Variants in BCAR3 observed in about 807,000 individuals in gnomAD.
BCAR3 encodes the protein BCAR3 adaptor protein, NSP family member.
BCAR3 carries 37 observed loss-of-function variants against 80.1 expected under a neutral mutation model. The observed-to-expected ratio is 0.46, with a 90% CI of 0.36 to 0.61. The LOEUF (loss-of-function observed/expected upper bound fraction) is 0.61, where lower values mean the gene tolerates loss of function less well. Ranked by LOEUF, BCAR3 falls within the 20% of genes least tolerant of loss-of-function variation. The pLI is 0.00. For synonymous variants in BCAR3, 389 were observed against 418.9 expected, an observed-to-expected ratio of 0.93 and a Z score of 0.87; for missense variants, 978 against 1,068.2, an observed-to-expected ratio of 0.92 and a Z score of 1.18.
chr1:93,612,211 G>A lies in BCAR3; in HGVS notation c.358-19818C>T, dbSNP rs150968297. Among the ~76,000 whole-genome samples, 332 of 152,200 alleles carry A rather than the reference G, an allele frequency of 2.2e-3. 2 individuals carry two copies. The highest frequency in any genetic ancestry group is 7.6e-3 in the African/African-American group (316 of 41,506). On this transcript the variant is annotated intron_variant, in intron 3 of 11. Coordinates refer to ENST00000260502, the MANE Select transcript of BCAR3 (RefSeq NM_003567.4). ...AGTTGGTAAACCCTAAGTTGGGACC[G>A]AGGGCTACAGTTTCCAGTGAGTGAG...
chr1:93,643,353 C>T (rs1181040477), intron 2 of BCAR3, among the ~76,000 whole-genome samples: 4 of 151,054 alleles, frequency 2.6e-5, no homozygotes, highest in Admixed American at 1.3e-4. Context: ...GGTGAAACCC[C>T]GTCTCTACTA....
At chr1:93,733,578 G>A (rs548856873) in intron 2 of BCAR3, among the ~76,000 whole-genome samples, 20 of 152,304 alleles carry the variant, frequency 1.3e-4, no homozygotes, top group African/African-American at 4.1e-4. Context: ...GGAACTTTGC[G>A]TACCCCAGAC....
In BCAR3 at chr1:93,717,910, A is replaced by G. The variant is rs374126438; in HGVS notation, c.-62-11768T>C. Among the ~76,000 whole-genome samples the G allele has an allele frequency of 2.2e-4, 33 of 152,116 alleles. 3 individuals are homozygous for G. The highest frequency in any genetic ancestry group is 9.7e-4 in the East Asian group (5 of 5,176). ...AGCTTAATATTAAAAACAAAATCAA[A>G]GCAATTGCAAATCTCTTTTATTTAT... On this transcript the variant is annotated intron_variant, in intron 2 of 13. Transcript: ENST00000370244.
intron 3 of BCAR3, among the ~76,000 whole-genome samples, chr1:93,596,198 T>C (rs530468964): frequency 6.6e-6 from 1 of 152,280 alleles, no homozygotes; most frequent in East Asian, 1.9e-4. Flanking sequence ...GCAGAAGAGA[T>C]TAGTACTGTA....
chr1:93,788,003 G>A (rs377333183), intron 2 of BCAR3, among the ~76,000 whole-genome samples: 7 of 152,218 alleles, frequency 4.6e-5, no homozygotes, highest in Admixed American at 3.9e-4. Context: ...CCAGTGTTAG[G>A]TGCATGTATA....
chr1:93,592,418 C>A lies in BCAR3; in HGVS notation c.358-25G>T. The A allele has an allele frequency of 6.4e-7, 1 of 1,573,640 alleles. No homozygotes were observed. ...ACTGCAACACAGAGTCAACCATGAG[C>A]TCACCCTGCCCAGGCCACACCAGGC... On this transcript the variant is annotated intron_variant, in intron 3 of 11. Coordinates refer to ENST00000260502, the MANE Select transcript of BCAR3 (RefSeq NM_003567.4). This position sits in a 1 kb window ranked among gnomAD's most constrained non-coding sequence, Gnocchi z 4.8.
intron 2 of BCAR3, among the ~76,000 whole-genome samples, chr1:93,648,245 A>G (rs1676207654): frequency 6.6e-6 from 1 of 152,230 alleles, no homozygotes; most frequent in Admixed American, 6.5e-5. Context: ...AATGTCTGCA[A>G]TAAAAGCAGG....
Position 93,653,848 on chromosome 1 carries a change from T to C in BCAR3, c.318-11505A>G, listed in dbSNP as rs562305807. On this transcript the variant is annotated intron_variant, in intron 2 of 11. Transcript: ENST00000260502. ...AACAGGAGAAGCATGTGCAAAGATA[T>C]AGGGACACAAGGCAACATGGTACAT... 7.2e-5 allele frequency among the ~76,000 whole-genome samples: 11 copies of C among 152,264 alleles called. No individual in the cohort carries two copies. In the East Asian group the frequency reaches 1.9e-3, roughly 27 times the overall value.
chr1:93,643,287 G>T (rs553220178), intron 2 of BCAR3, among the ~76,000 whole-genome samples: 5 of 151,082 alleles, frequency 3.3e-5, no homozygotes, highest in South Asian at 4.2e-4. Flanking sequence ...ATTTTGGGGG[G>T]GCCGAGGCAG....
At chr1:93,683,225 G>A (rs1265517670), upstream of BCAR3, among the ~76,000 whole-genome samples, 1 of 152,110 alleles carries the variant, frequency 6.6e-6, no homozygotes, top group Non-Finnish European at 1.5e-5. Flanking sequence ...TCTCAAAAAA[G>A]CCAATAAACA....
At chr1:93,847,532 C>G (rs1283493838), upstream of BCAR3, 3 of 152,706 alleles carry the variant, frequency 2.0e-5, no homozygotes, top group African/African-American at 7.3e-5. Context: ...GGGCCGTCGC[C>G]TCTGGCTTAA....
intron 11 of BCAR3, among the ~76,000 whole-genome samples, chr1:93,563,346 G>T (rs1672782213): frequency 6.6e-6 from 1 of 152,158 alleles, no homozygotes; most frequent in African/African-American, 2.4e-5. Flanking sequence ...TTAGCATGAT[G>T]TTTTTGAGAT....
chr1:93,777,471 TTCC>T (rs148728907), intron 2 of BCAR3, among the ~76,000 whole-genome samples: 12,162 of 134,562 alleles, frequency 0.09, 658 homozygotes, highest in African/African-American at 0.17. Context: ...CCTCCTCTTC[TTCC>T]TCCTCCTCCT....
chr1:93,658,208 G>C (rs1449552569), intron 2 of BCAR3, among the ~76,000 whole-genome samples: 1 of 152,048 alleles, frequency 6.6e-6, no homozygotes, highest in Non-Finnish European at 1.5e-5. Context: ...CAAAGTGCTA[G>C]GATTACAGGC....
intron 2 of BCAR3, among the ~76,000 whole-genome samples, chr1:93,787,415 G>A (rs1333508116): frequency 2.0e-5 from 3 of 152,140 alleles, no homozygotes; most frequent in African/African-American, 7.2e-5. Flanking sequence ...TTGTCTATTT[G>A]TGCCCTTTCA....
intron 2 of BCAR3, among the ~76,000 whole-genome samples, chr1:93,721,118 G>A (rs534040005): frequency 1.3e-5 from 2 of 152,306 alleles, no homozygotes; most frequent in East Asian, 3.9e-4. Context: ...GCCTCAGACT[G>A]GAAGGGTGGC....
At position 93,661,823 on chromosome 1, in the gene BCAR3, C is replaced by A. The variant is rs144423197; in HGVS notation, c.317+12791G>T. On this transcript the variant is annotated intron_variant, in intron 2 of 11. Transcript: ENST00000260502. Reference sequence around the variant, plus strand: ...CTTTAAACAGAGAACTATAAAACTTCTAGATGTGCGCTTAAATATTTTTGT... The same window carrying A: ...CTTTAAACAGAGAACTATAAAACTTATAGATGTGCGCTTAAATATTTTTGT... Among the ~76,000 whole-genome samples, 66 of 152,300 alleles carry A rather than the reference C, an allele frequency of 4.3e-4. 1 individual carries two copies. The East Asian group carries it at 8.7e-3, about 20-fold the overall frequency.
intron 3 of BCAR3, among the ~76,000 whole-genome samples, chr1:93,623,663 A>G (rs894391808): frequency 2.6e-5 from 4 of 152,226 alleles, no homozygotes; most frequent in Non-Finnish European, 4.4e-5. Context: ...TCCCAGAAGT[A>G]GTCATCAACC....
Position 93,674,945 on chromosome 1 carries a change from AG to A in BCAR3, c.-11-5del. The A allele has an allele frequency of 6.6e-7, 1 of 1,525,328 alleles. No individual in the cohort carries two copies. The highest frequency in any genetic ancestry group is 8.8e-7 in the Non-Finnish European group (1 of 1,141,006). The allele number at this position is 1,525,328 out of a possible 1,614,324, so 94.5% of individuals were successfully genotyped here. On this transcript the variant is annotated splice_polypyrimidine_tract_variant and splice_region_variant and intron_variant, in intron 1 of 11. Coordinates refer to ENST00000260502, the MANE Select transcript of BCAR3 (RefSeq NM_003567.4). Reference sequence around the variant, plus strand: ...CCTGCAGCCATAATTCTCAACTCTAAGGGGGAAAGAAAAGAGTGAAGGTATA... The same window carrying A: ...CCTGCAGCCATAATTCTCAACTCTAAGGGGAAAGAAAAGAGTGAAGGTATA...
Sources: allele counts gnomAD v4.1 joint callset (sites outside exome capture counted in the v4.1 genomes callset), GRCh38; gene constraint gnomAD v4.1.1; non-coding constraint Gnocchi (gnomAD v3.1); transcripts MANE v1.5; gene names NCBI Gene and HGNC (gene_info 2026-07-23, HGNC 2026-07-21).